Variants in ANXA11 observed in about 807,000 individuals in gnomAD.
The protein encoded by ANXA11 is annexin A11.
Under a neutral mutation model 64.7 loss-of-function variants are expected in ANXA11, and 57 were observed. That is an observed-to-expected ratio of 0.88 (90% CI 0.71 to 1.10). ANXA11 has a LOEUF of 1.10. ANXA11 is among the 50% of genes least tolerant of loss of function. The pLI is 0.00. For synonymous variants in ANXA11, 260 were observed against 265.2 expected, an observed-to-expected ratio of 0.98 and a Z score of 0.19; for missense variants, 675 against 670.7, an observed-to-expected ratio of 1.01 and a Z score of -0.07.
chr10:80,184,728 T>C (rs979592520), intron 1 of ANXA11, among the ~76,000 whole-genome samples: 1 of 152,154 alleles, frequency 6.6e-6, no homozygotes, highest in Non-Finnish European at 1.5e-5. Flanking sequence ...GGGGCACTTG[T>C]CAATACAAGA....
At chr10:80,197,104 G>A (rs1280874930) in intron 1 of ANXA11, among the ~76,000 whole-genome samples, 1 of 152,156 alleles carries the variant, frequency 6.6e-6, no homozygotes, top group Admixed American at 6.5e-5. Flanking sequence ...ATTTGAGGTG[G>A]GAGCTGAGAC....
rs377196319 is a variant in ANXA11 at position 80,166,196 on chromosome 10, T to A, written c.746A>T (p.Asp249Val). ...LLSFKTAYGKDLIKDLKSELS... is the reference protein window; with the variant it reads ...LLSFKTAYGKVLIKDLKSELS... ...TTCAGATTTCAGATCTTTGATCAAA[T>A]CCTGATTGGATATTCAAACAAACAA... Residue 249 changes from aspartate to valine, a missense_variant and splice_region_variant, in exon 8 of 16, where the codon GAT becomes GTT. Physicochemically the swap from Asp to Val is radical, Grantham distance 152. Coordinates refer to ENST00000422982, the MANE Select transcript of ANXA11 (RefSeq NM_145868.2). 6.4e-7 allele frequency: 1 copy of A among 1,569,536 alleles called. No homozygotes were observed. The highest frequency in any genetic ancestry group is 8.7e-7 in the Non-Finnish European group (1 of 1,146,248).
intron 2 of ANXA11, among the ~76,000 whole-genome samples, chr10:80,175,426 C>A (rs1306461722): frequency 1.3e-5 from 2 of 152,122 alleles, no homozygotes; most frequent in Non-Finnish European, 2.9e-5. Flanking sequence ...AAGCCAAAAG[C>A]TCCATCCACA....
intron 8 of ANXA11, among the ~76,000 whole-genome samples, chr10:80,165,694 T>G (rs929973518): frequency 6.6e-6 from 1 of 152,168 alleles, no homozygotes; most frequent in East Asian, 1.9e-4. Context: ...TAAACCGAAG[T>G]GTGTTTCTGT....
At chr10:80,168,887 TGTCTCCCCATCTA>T in intron 5 of ANXA11, 69 bp downstream of exon 5, 1 of 1,389,688 alleles carries the variant, frequency 7.2e-7, no homozygotes, top group East Asian at 2.8e-5. Context: ...CGCCTTTCCC[TGTCTCCCCATCTA>T]CTGAGCCATG....
rs1252191428 is a variant in ANXA11 at position 80,151,951 on chromosome 10, C to T, written c.*3902G>A. 1 of 152,236 alleles carries T rather than the reference C, an allele frequency of 6.6e-6. No individual in the cohort carries two copies. The highest frequency in any genetic ancestry group is 1.5e-5 in the Non-Finnish European group (1 of 68,054). The allele number at this position is 152,236 out of a possible 1,614,324, so 9.4% of individuals were successfully genotyped here. A position where few individuals can be genotyped will look rare whatever the true frequency, so the allele number is the denominator to read the frequency against. ...CCTGATACACACTCAGGCTTGAAAACCACCACTTTAGGACCATCTACCCAG... is the reference window on the plus strand; with the variant it reads ...CCTGATACACACTCAGGCTTGAAAATCACCACTTTAGGACCATCTACCCAG... On this transcript the variant is annotated 3_prime_UTR_variant, in exon 16 of 16. Transcript: ENST00000422982.
At chr10:80,200,899 T>G (rs1589457567) in intron 1 of ANXA11, among the ~76,000 whole-genome samples, 1 of 152,134 alleles carries the variant, frequency 6.6e-6, no homozygotes, top group East Asian at 1.9e-4. Flanking sequence ...ATCCACTTTG[T>G]GAAAGAAGCA....
chr10:80,170,964 C>T (rs201810332), intron 3 of ANXA11, 49 bp from the exon 4 acceptor site: 49 of 1,549,590 alleles, frequency 3.2e-5, no homozygotes, highest in East Asian at 1.9e-4. Flanking sequence ...CCCCACCACA[C>T]GGGGAAAGGC....
At chr10:80,170,703 CAT>C (rs1845934866) in intron 4 of ANXA11, 95 bp downstream of exon 4, 3 of 972,916 alleles carry the variant, frequency 3.1e-6, no homozygotes, top group Non-Finnish European at 4.4e-6. Flanking sequence ...GCAACACACA[CAT>C]AGACAACTCT....
intron 1 of ANXA11, chr10:80,204,816 A>C (rs768588699): frequency 1.4e-4 from 21 of 152,190 alleles, no homozygotes; most frequent in African/African-American, 4.1e-4. Context: ...CACTGGGGAG[A>C]GTTCCTTACA....
chr10:80,161,035 G>A (rs1274964860), intron 12 of ANXA11, among the ~76,000 whole-genome samples: 1 of 152,080 alleles, frequency 6.6e-6, no homozygotes, highest in Non-Finnish European at 1.5e-5. Context: ...GACAGGCTTC[G>A]CTGCTTGGCC....
chr10:80,152,370 G>T lies in ANXA11; in HGVS notation c.*3483C>A, dbSNP rs1845171839. ...CAGTAGGTGCCTTTGCCTCTGGGAA[G>T]ATCATGAGGCATTCATGCAGTCCTC... On this transcript the variant is annotated 3_prime_UTR_variant, in exon 16 of 16. Coordinates refer to ENST00000422982, the MANE Select transcript of ANXA11 (RefSeq NM_145868.2). 6.6e-6 allele frequency: 1 copy of T among 152,262 alleles called. No individual in the cohort carries two copies. The highest frequency in any genetic ancestry group is 6.5e-5 in the Admixed American group (1 of 15,284). The allele number at this position is 152,262 out of a possible 1,614,324, so 9.4% of individuals were successfully genotyped here. A position where few individuals can be genotyped will look rare whatever the true frequency, so the allele number is the denominator to read the frequency against.
chr10:80,192,704 A>T lies in ANXA11; in HGVS notation c.-58+12639T>A, dbSNP rs78596886. Among the ~76,000 whole-genome samples, 272 of 152,366 alleles carry T rather than the reference A, an allele frequency of 1.8e-3. 9 individuals are homozygous for T. The East Asian group carries it at 0.044, about 25-fold the overall frequency. ...GACACTGGACTTCAACAGCCACACT[A>T]GAAACTAGAAGATAACAGAATAATG... is the stretch of plus-strand genomic sequence containing the variant. On this transcript the variant is annotated intron_variant, in intron 1 of 15. Coordinates refer to ENST00000422982, the MANE Select transcript of ANXA11 (RefSeq NM_145868.2).
rs369132942 is a variant in ANXA11, at chr10:80,170,879, G to A, written c.92C>T (p.Pro31Leu). The A allele has an allele frequency of 1.1e-5, 17 of 1,568,350 alleles. No individual in the cohort carries two copies. Among genetic ancestry groups the A allele is most frequent in the Admixed American group, 3.8e-5 (2 of 52,394 alleles). The change falls in exon 4 of 16, where the codon CCG becomes CTG. Residue 31 changes from proline to leucine, a missense_variant. Physicochemically the swap from Pro to Leu is moderately conservative, Grantham distance 98 (BLOSUM62 -3). Coordinates refer to ENST00000422982, the MANE Select transcript of ANXA11 (RefSeq NM_145868.2). Reference sequence around the variant, plus strand: ...CAGCCCGATGGGGGGCATGCTGGGCGGAGGAGGGTAGGCAGCACCTCCCCA... The same window carrying A: ...CAGCCCGATGGGGGGCATGCTGGGCAGAGGAGGGTAGGCAGCACCTCCCCA... Reference protein sequence around the residue: ...GPWGGAAYPPPPSMPPIGLDN... With the variant: ...GPWGGAAYPPLPSMPPIGLDN...
chr10:80,195,873 C>G (rs956780497), intron 1 of ANXA11: 4 of 152,490 alleles, frequency 2.6e-5, no homozygotes, highest in Non-Finnish European at 4.4e-5. Flanking sequence ...TATTCACTAT[C>G]ACGAGAATAG....
At chr10:80,172,756 C>A (rs761059401) in intron 3 of ANXA11, 51 bp downstream of exon 3, 2 of 1,569,892 alleles carry the variant, frequency 1.3e-6, no homozygotes, top group South Asian at 2.2e-5. Flanking sequence ...CCACTCCCAG[C>A]CACTGTACAG....
chr10:80,182,977 T>A (rs1846410049), intron 1 of ANXA11, among the ~76,000 whole-genome samples: 1 of 152,150 alleles, frequency 6.6e-6, no homozygotes, highest in Non-Finnish European at 1.5e-5. Flanking sequence ...ACACATCTGG[T>A]CGCAGGGTGA....
intron 1 of ANXA11, among the ~76,000 whole-genome samples, chr10:80,179,726 G>A (rs151231506): frequency 3.7e-4 from 56 of 152,278 alleles, no homozygotes; most frequent in Admixed American, 1.4e-3. Context: ...TTTGTTCTGC[G>A]TTAAATGAAG....
At chr10:80,197,382 C>T (rs1247232529) in intron 1 of ANXA11, among the ~76,000 whole-genome samples, 1 of 152,204 alleles carries the variant, frequency 6.6e-6, no homozygotes, top group African/African-American at 2.4e-5. Flanking sequence ...AAGTACCAGC[C>T]ACTCCATAGG....
Sources: gnomAD v4.1 joint callset for allele counts (sites outside exome capture counted in the v4.1 genomes callset) on GRCh38, gnomAD v4.1.1 for gene constraint, MANE v1.5 for transcripts, NCBI Gene and HGNC (gene_info 2026-07-23, HGNC 2026-07-21) for gene names.